MROH9: variants seen among roughly 807,000 people sequenced by gnomAD.
The protein encoded by MROH9 is maestro heat like repeat family member 9, also known as maestro heat-like repeat-containing protein family member 9.
A neutral mutation model predicts 98.2 loss-of-function variants in MROH9; 92 were observed. That is an observed-to-expected ratio of 0.94 (90% CI 0.79 to 1.11). The LOEUF (loss-of-function observed/expected upper bound fraction) is 1.11. MROH9 is among the 50% of genes most tolerant of loss of function. The probability of loss-of-function intolerance (pLI) is 0.00; values close to 1 mark genes in which losing one functional copy is unlikely to be tolerated. For missense variants in MROH9, 1,057 were observed against 1,014.8 expected, an observed-to-expected ratio of 1.04 and a Z score of -0.57; for synonymous variants, 397 against 368.9, an observed-to-expected ratio of 1.08 and a Z score of -0.87.
intron 7 of MROH9, among the ~76,000 whole-genome samples, chr1:170,968,243 A>G (rs1650305539): frequency 6.6e-6 from 1 of 152,212 alleles, no homozygotes; most frequent in Non-Finnish European, 1.5e-5. Context: ...ATTAATTCAA[A>G]GGATTAATTG....
chr1:170,977,133 T>C (rs1289980697), intron 8 of MROH9, among the ~76,000 whole-genome samples: 1 of 152,218 alleles, frequency 6.6e-6, no homozygotes, highest in Non-Finnish European at 1.5e-5. Context: ...AGTCAGCTCC[T>C]GTATCATTTT....
chr1:170,975,507 T>C (rs1650647717), intron 8 of MROH9, among the ~76,000 whole-genome samples: 1 of 152,128 alleles, frequency 6.6e-6, no homozygotes, highest in Admixed American at 6.6e-5. Context: ...ACCTAAATAG[T>C]GTACATGTTA....
chr1:170,972,586 G>T (rs138077154), intron 8 of MROH9, among the ~76,000 whole-genome samples: 2,976 of 151,982 alleles, frequency 0.02, 116 homozygotes, highest in African/African-American at 0.069. Context: ...TGAGGTGGGC[G>T]GATCACAAGG....
intron 3 of MROH9, among the ~76,000 whole-genome samples, chr1:170,952,804 C>T (rs1280561847): frequency 6.6e-6 from 1 of 151,560 alleles, no homozygotes; most frequent in Non-Finnish European, 1.5e-5. Context: ...GTATCAATGC[C>T]TTTGACAGAT....
At chr1:171,015,327 C>T (rs1463960823) in intron 16 of MROH9, among the ~76,000 whole-genome samples, 1 of 152,034 alleles carries the variant, frequency 6.6e-6, no homozygotes, top group Admixed American at 6.6e-5. Context: ...CCAATGTTAT[C>T]AAAAACTGAA....
At chr1:171,018,913 A>G (rs1413813882) in intron 17 of MROH9, among the ~76,000 whole-genome samples, 1 of 152,196 alleles carries the variant, frequency 6.6e-6, no homozygotes, top group Non-Finnish European at 1.5e-5. Context: ...GATCAACAAG[A>G]CAGCAAATTA....
intron 20 of MROH9, among the ~76,000 whole-genome samples, chr1:171,048,623 C>A (rs1312589306): frequency 6.6e-6 from 1 of 152,128 alleles, no homozygotes; most frequent in Non-Finnish European, 1.5e-5. Context: ...CCCAAGAGCC[C>A]ACTTGATGCT....
intron 10 of MROH9, among the ~76,000 whole-genome samples, chr1:170,989,066 C>T (rs879668133): frequency 2.6e-5 from 4 of 152,080 alleles, no homozygotes; most frequent in Non-Finnish European, 5.9e-5. Context: ...GAAAGTTGTA[C>T]AGATAAATGA....
intron 3 of MROH9, among the ~76,000 whole-genome samples, chr1:170,948,750 T>C (rs895527881): frequency 1.3e-5 from 2 of 152,046 alleles, no homozygotes; most frequent in Non-Finnish European, 2.9e-5. Context: ...GACATTCAAA[T>C]ATGACTTTGG....
intron 17 of MROH9, among the ~76,000 whole-genome samples, chr1:171,023,993 A>G (rs980132686): frequency 6.6e-6 from 1 of 152,154 alleles, no homozygotes; most frequent in Non-Finnish European, 1.5e-5. Context: ...TATAAGTGAG[A>G]TCATGCAATA....
intron 20 of MROH9, among the ~76,000 whole-genome samples, chr1:171,060,115 A>G (rs905931867): frequency 6.6e-6 from 1 of 152,142 alleles, no homozygotes; most frequent in African/African-American, 2.4e-5. Flanking sequence ...GGACTTAACC[A>G]TGTAACCAAA....
At chr1:170,983,321 A>T (rs1240253850) in intron 8 of MROH9, 101 bp from the exon 9 acceptor site, 9 of 741,048 alleles carry the variant, frequency 1.2e-5, no homozygotes, top group Middle Eastern at 2.5e-4. Context: ...AAAACTTCAG[A>T]TCTCCAGAAC....
chr1:170,961,914 A>G lies in MROH9; in HGVS notation c.313A>G (p.Ile105Val). The change falls in exon 6 of 22, where the codon ATA becomes GTA. Residue 105 changes from isoleucine (I) to valine (V), a missense_variant. Physicochemically the swap from Ile to Val is conservative, Grantham distance 29 (BLOSUM62 3). Coordinates refer to ENST00000367759, the MANE Select transcript of MROH9 (RefSeq NM_001163629.2). ...GAATTTATACCACAATATTTTAAAT[A>G]TATATGAGAACATTCTTACGAGCTT... is the stretch of plus-strand genomic sequence containing the variant. The part of the protein sequence containing the change: ...MENLYHNILN[I>V]YENILTSLVS... The G allele has an allele frequency of 6.6e-7, 1 of 1,520,884 alleles. No homozygotes were observed. The highest frequency in any genetic ancestry group is 1.2e-5 in the South Asian group (1 of 80,330). The allele number at this position is 1,520,884 out of a possible 1,614,324, so 94.2% of individuals were successfully genotyped here.
At chr1:171,063,788 G>A (rs1654082777) in intron 21 of MROH9, among the ~76,000 whole-genome samples, 1 of 152,128 alleles carries the variant, frequency 6.6e-6, no homozygotes, top group Admixed American at 6.5e-5. Flanking sequence ...TGACCAATAT[G>A]AACCTCTTCC....
Position 170,990,009 on chromosome 1 carries a change from G to GC in MROH9, c.1028+12dup, listed in dbSNP as rs754543717. 7 of 1,607,834 alleles carry GC rather than the reference G, an allele frequency of 4.4e-6. No homozygotes were observed. Among genetic ancestry groups the GC allele is most frequent in the African/African-American group, 2.7e-5 (2 of 74,714 alleles). ...TACCCAGTTCCAGCAGACGAGTAAG[G>GC]CCCCCCAACCCTCTGTCCCTTCCAC... On this transcript the variant is annotated splice_region_variant and intron_variant, in intron 11 of 21. Coordinates refer to ENST00000367759, the MANE Select transcript of MROH9 (RefSeq NM_001163629.2).
chr1:170,997,589 T>C (rs896485800), intron 14 of MROH9, among the ~76,000 whole-genome samples: 1 of 152,188 alleles, frequency 6.6e-6, no homozygotes, highest in Middle Eastern at 3.2e-3. Context: ...AAATGGAAAC[T>C]TCCTCATGTT....
intron 8 of MROH9, among the ~76,000 whole-genome samples, chr1:170,981,107 T>C (rs945819415): frequency 4.6e-5 from 7 of 152,128 alleles, no homozygotes; most frequent in Admixed American, 4.6e-4. Context: ...TATTCAAAAA[T>C]CAGGAAACAA....
intron 20 of MROH9, among the ~76,000 whole-genome samples, chr1:171,053,917 A>G (rs1320466371): frequency 6.6e-6 from 1 of 152,206 alleles, no homozygotes. Context: ...AGGAGAAAGA[A>G]TGAGGCAGAA....
At chr1:171,050,156 TTTTG>T (rs1340081050) in intron 20 of MROH9, among the ~76,000 whole-genome samples, 9 of 152,192 alleles carry the variant, frequency 5.9e-5, no homozygotes, top group African/African-American at 1.9e-4. Flanking sequence ...ATTTGTCTGC[TTTTG>T]TTTTTGTTGT....
Sources: gnomAD v4.1 joint callset for allele counts (sites outside exome capture counted in the v4.1 genomes callset) on GRCh38, gnomAD v4.1.1 for gene constraint, MANE v1.5 for transcripts, NCBI Gene and HGNC (gene_info 2026-07-23, HGNC 2026-07-21) for gene names.